The following ARG2 variants were observed in gnomAD, a reference collection of about 807,000 sequenced individuals.
ARG2 encodes arginase-2, mitochondrial.
A neutral mutation model predicts 39.4 loss-of-function variants in ARG2; 21 were observed. The observed-to-expected ratio is 0.53, with a 90% CI of 0.38 to 0.77. The LOEUF (loss-of-function observed/expected upper bound fraction) is 0.77, where lower values mean the gene tolerates loss of function less well. Among genes scored for constraint, ARG2 ranks in the 30% least tolerant of loss-of-function variants. The pLI, the probability that ARG2 is intolerant of heterozygous loss-of-function variation, is 0.00. For missense variants in ARG2, 378 were observed against 426.2 expected (o/e 0.89, Z 1.00); for synonymous variants, 150 against 156.7 (o/e 0.96, Z 0.32).
chr14:67,627,755 C>T (rs2036883013), intron 2 of ARG2, among the ~76,000 whole-genome samples: 1 of 152,154 alleles, frequency 6.6e-6, no homozygotes, highest in Admixed American at 6.5e-5. Flanking sequence ...GACAATGTAG[C>T]AAGACCCCAT....
chr14:67,624,917 G>C (rs1277370900), intron 2 of ARG2, among the ~76,000 whole-genome samples: 2 of 152,168 alleles, frequency 1.3e-5, no homozygotes, highest in African/African-American at 2.4e-5. Context: ...TCCCAGATCA[G>C]CTGTAGCCTG....
At chr14:67,633,090 G>T (rs1429112271) in intron 2 of ARG2, among the ~76,000 whole-genome samples, 1 of 152,086 alleles carries the variant, frequency 6.6e-6, no homozygotes, top group Non-Finnish European at 1.5e-5. Context: ...AAAGTGCTGG[G>T]ATTACAGGCG....
At position 67,642,302 on chromosome 14, in the gene ARG2, G is replaced by A. The variant is rs537953471; in HGVS notation, c.301G>A (p.Glu101Lys). ...GGGTCTTGCCAACCAGGAACTGGCT[G>A]AGGTGGTTAGCAGAGCTGTGTCAGA... ...SVGLANQELA[E>K]VVSRAVSDGY... is the part of the protein sequence containing the mutation. The change falls in exon 3 of 8, where the codon GAG becomes AAG. Residue 101 changes from glutamate (E) to lysine (K), a missense_variant. By Grantham distance (56) the Glu-to-Lys change is moderately conservative (BLOSUM62 1). Transcript: ENST00000261783. 201 of 1,614,168 alleles carry A rather than the reference G, an allele frequency of 1.2e-4. 2 individuals carry two copies. In the South Asian group the frequency reaches 2.0e-3, roughly 16 times the overall value.
intron 7 of ARG2, chr14:67,650,415 C>A: frequency 2.7e-6 from 1 of 373,422 alleles, no homozygotes; most frequent in Non-Finnish European, 4.9e-6. Context: ...CCCCACCCAA[C>A]ACCAAGCCTT....
chr14:67,636,605 G>A lies in ARG2; in HGVS notation c.185-5581G>A, dbSNP rs202168575. Among the ~76,000 whole-genome samples, 680 of 152,266 alleles carry A rather than the reference G, an allele frequency of 4.5e-3. 9 individuals are homozygous for A. The highest frequency in any genetic ancestry group is 0.015 in the African/African-American group (643 of 41,552). On this transcript the variant is annotated intron_variant, in intron 2 of 7. Transcript: ENST00000261783. ...AGGCTGTTTTGATTTCTTCCTTACA[G>A]CCTGGTTGCATCATTCTGTTGATGC...
chr14:67,632,049 T>A (rs1045426237), intron 2 of ARG2, among the ~76,000 whole-genome samples: 13 of 152,054 alleles, frequency 8.5e-5, no homozygotes, highest in African/African-American at 3.1e-4. Context: ...TAATTTTGTT[T>A]ATTTTTTTCT....
chr14:67,645,123 T>C (rs185289932), intron 3 of ARG2, among the ~76,000 whole-genome samples: 47 of 152,324 alleles, frequency 3.1e-4, no homozygotes, highest in Admixed American at 2.1e-3. Context: ...CAAGAGCTTT[T>C]CTTACAGATT....
intron 2 of ARG2, among the ~76,000 whole-genome samples, chr14:67,637,185 G>A (rs2036980490): frequency 6.6e-6 from 1 of 151,924 alleles, no homozygotes; most frequent in South Asian, 2.1e-4. Flanking sequence ...TGAAGTGGGA[G>A]GATCACTTGA....
At chr14:67,647,437 C>T (rs1393759635) in intron 6 of ARG2, 2 of 162,068 alleles carry the variant, frequency 1.2e-5, no homozygotes, top group Non-Finnish European at 2.7e-5. Flanking sequence ...TTCCCAATAC[C>T]AAGTCTTTAC....
At chr14:67,625,697 A>AG (rs1397024359) in intron 2 of ARG2, among the ~76,000 whole-genome samples, 7 of 149,140 alleles carry the variant, frequency 4.7e-5, no homozygotes, top group East Asian at 4.5e-4. Flanking sequence ...AAAAAAAAAA[A>AG]AAAGAAACTG....
intron 2 of ARG2, among the ~76,000 whole-genome samples, chr14:67,639,669 C>G (rs2037009170): frequency 6.6e-6 from 1 of 151,968 alleles, no homozygotes; most frequent in African/African-American, 2.4e-5. Context: ...GCCTGTAATC[C>G]CAGCACTTTG....
Position 67,620,916 on chromosome 14 carries a change from G to C in ARG2, c.134G>C (p.Gly45Ala). The C allele has an allele frequency of 6.2e-7, 1 of 1,614,144 alleles. No homozygotes were observed. The highest frequency in any genetic ancestry group is 8.5e-7 in the Non-Finnish European group (1 of 1,180,000). ...CAGAAAAGAAAAGGAGTGGAGCATG[G>C]TCCCGCTGCCATAAGAGAAGCTGGC... ...QGQKRKGVEH[G>A]PAAIREAGLM... The change falls in exon 2 of 8, where the codon GGT becomes GCT. Residue 45 changes from glycine to alanine, a missense_variant. Coordinates refer to ENST00000261783, the MANE Select transcript of ARG2 (RefSeq NM_001172.4).
At chr14:67,626,258 G>GAA (rs891030735) in intron 2 of ARG2, among the ~76,000 whole-genome samples, 1 of 146,794 alleles carries the variant, frequency 6.8e-6, no homozygotes, top group African/African-American at 2.5e-5. Flanking sequence ...TGTCTCAGGG[G>GAA]AAAAAAAAAA....
rs963163963 is a variant in ARG2, at chr14:67,651,271, G to A, written c.*351G>A. On this transcript the variant is annotated 3_prime_UTR_variant, in exon 8 of 8. Coordinates refer to ENST00000261783, the MANE Select transcript of ARG2 (RefSeq NM_001172.4). ...CCTCCTCCCACAGCCTGGCTATACA[G>A]TGCATCCTTGAACTGTCAGCCCACA... 6.3e-7 allele frequency: 1 copy of A among 1,586,410 alleles called. No homozygotes were observed. Among genetic ancestry groups the A allele is most frequent in the Non-Finnish European group, 8.6e-7 (1 of 1,166,962 alleles).
chr14:67,634,617 A>AGGTAGTAAT (rs996984249), intron 2 of ARG2, among the ~76,000 whole-genome samples: 1 of 150,370 alleles, frequency 6.7e-6, no homozygotes, highest in African/African-American at 2.4e-5. Flanking sequence ...AAAAGCTAGT[A>AGGTAGTAAT]GGTAGTAATG....
At chr14:67,646,158 A>G (rs1031506109) in intron 4 of ARG2, among the ~76,000 whole-genome samples, 4 of 152,172 alleles carry the variant, frequency 2.6e-5, no homozygotes, top group African/African-American at 7.2e-5. Context: ...TTCAGAATAT[A>G]TGGGAGTCCA....
Position 67,651,073 on chromosome 14 carries a change from G to C in ARG2, c.*153G>C. The C allele has an allele frequency of 1.0e-6, 1 of 1,000,068 alleles. No individual in the cohort carries two copies. Among genetic ancestry groups the C allele is most frequent in the East Asian group, 2.6e-5 (1 of 38,310 alleles). The allele number at this position is 1,000,068 out of a possible 1,614,324, so 61.9% of individuals were successfully genotyped here. ...AATTGTAAAGTTTCCCCTCTATTTT[G>C]GTGACCAATACTACTGTAAATGTAT... On this transcript the variant is annotated 3_prime_UTR_variant, in exon 8 of 8. Coordinates refer to ENST00000261783, the MANE Select transcript of ARG2 (RefSeq NM_001172.4).
At chr14:67,628,185 G>A (rs1414625767) in intron 2 of ARG2, among the ~76,000 whole-genome samples, 1 of 152,126 alleles carries the variant, frequency 6.6e-6, no homozygotes, top group Non-Finnish European at 1.5e-5. Context: ...TTGGGTTCAA[G>A]CTTTTCATTT....
rs2037175259 is a variant in ARG2, at chr14:67,651,465, G to A, written c.*545G>A. ...AGTAAGATGATAATGGAAAGCAGCA[G>A]CTTGTTGGTTGTCACTCTACAAAGA... On this transcript the variant is annotated 3_prime_UTR_variant, in exon 8 of 8. Coordinates refer to ENST00000261783, the MANE Select transcript of ARG2 (RefSeq NM_001172.4). 1 of 1,613,752 alleles carries A rather than the reference G, an allele frequency of 6.2e-7. No homozygotes were observed. Among genetic ancestry groups the A allele is most frequent in the South Asian group, 1.1e-5 (1 of 91,074 alleles).
Sources: gnomAD v4.1 joint callset for allele counts (sites outside exome capture counted in the v4.1 genomes callset) on GRCh38, gnomAD v4.1.1 for gene constraint, MANE v1.5 for transcripts, NCBI Gene and HGNC (gene_info 2026-07-23, HGNC 2026-07-21) for gene names.